SLC24A2: variants seen among roughly 807,000 people sequenced by gnomAD.
The protein encoded by SLC24A2 is solute carrier family 24 member 2.
In SLC24A2, 36 loss-of-function variants were observed where a neutral mutation model predicts 62.0. The observed-to-expected ratio is 0.58, with a 90% CI of 0.44 to 0.77. SLC24A2 has a LOEUF of 0.77. Among genes scored for constraint, SLC24A2 ranks in the 30% least tolerant of loss-of-function variants. The probability of loss-of-function intolerance (pLI) is 0.00; values close to 1 mark genes in which losing one functional copy is unlikely to be tolerated. For synonymous variants in SLC24A2, 358 were observed against 294.0 expected, an observed-to-expected ratio of 1.22 and a Z score of -2.23; for missense variants, 846 against 817.9, an observed-to-expected ratio of 1.03 and a Z score of -0.42.
chr9:19,798,408 T>C, the SLC24A2 span, among the ~76,000 whole-genome samples: 3 of 152,212 alleles, frequency 2.0e-5, no homozygotes, highest in Non-Finnish European at 4.4e-5. Flanking sequence ...ATAAGTTGCA[T>C]AATCCATCTG....
intron 5 of SLC24A2, among the ~76,000 whole-genome samples, chr9:19,586,529 GTTAA>G (rs1836375769): frequency 3.5e-5 from 3 of 86,956 alleles, no homozygotes; most frequent in Admixed American, 3.3e-4. Flanking sequence ...TAATGCTGTG[GTTAA>G]GTTAAGTTTC....
the SLC24A2 span, among the ~76,000 whole-genome samples, chr9:19,848,469 C>T: frequency 0.5 from 76,558 of 151,940 alleles, 20,507 homozygotes; most frequent in Non-Finnish European, 0.59. Flanking sequence ...ATAAATGACA[C>T]ATATAGCAGT....
intron 7 of SLC24A2, among the ~76,000 whole-genome samples, chr9:19,569,384 G>T (rs1338894774): frequency 1.3e-5 from 2 of 152,122 alleles, no homozygotes; most frequent in South Asian, 2.1e-4. Context: ...CATTCTAAGA[G>T]AATTGTCTTT....
At chr9:20,021,147 A>T in the SLC24A2 span, among the ~76,000 whole-genome samples, 2 of 152,206 alleles carry the variant, frequency 1.3e-5, no homozygotes, top group African/African-American at 4.8e-5. Flanking sequence ...CACATTAAGT[A>T]ACTGTTTTTG....
intron 2 of SLC24A2, among the ~76,000 whole-genome samples, chr9:19,653,199 C>G (rs1818849025): frequency 6.6e-6 from 1 of 152,218 alleles, no homozygotes; most frequent in South Asian, 2.1e-4. Flanking sequence ...ACAAAGTACA[C>G]AAGACTTGTC....
intron 9 of SLC24A2, among the ~76,000 whole-genome samples, chr9:19,526,164 G>A (rs185763338): frequency 6.6e-6 from 1 of 152,180 alleles, no homozygotes; most frequent in East Asian, 1.9e-4. Flanking sequence ...TTTCACTCAT[G>A]TTGTAGCATG....
chr9:20,190,136 C>T, the SLC24A2 span, among the ~76,000 whole-genome samples: 1 of 152,176 alleles, frequency 6.6e-6, no homozygotes, highest in African/African-American at 2.4e-5. Flanking sequence ...CTGCATGAAG[C>T]CTGGCAAAAG....
chr9:20,110,624 CT>C, the SLC24A2 span, among the ~76,000 whole-genome samples: 1 of 151,956 alleles, frequency 6.6e-6, no homozygotes, highest in Non-Finnish European at 1.5e-5. Context: ...AAAAGTGTGG[CT>C]AAAAAGTACC....
At chr9:20,220,201 A>G in the SLC24A2 span, among the ~76,000 whole-genome samples, 19 of 152,194 alleles carry the variant, frequency 1.2e-4, no homozygotes, top group African/African-American at 4.1e-4. Context: ...GTTTAGGTCA[A>G]TGACTGCAAC....
At chr9:19,881,953 G>A in the SLC24A2 span, among the ~76,000 whole-genome samples, 1 of 152,118 alleles carries the variant, frequency 6.6e-6, no homozygotes, top group Admixed American at 6.6e-5. Flanking sequence ...TTTCACAAAT[G>A]TCATTTTTAA....
At chr9:20,298,348 C>A in the SLC24A2 span, among the ~76,000 whole-genome samples, 1 of 152,196 alleles carries the variant, frequency 6.6e-6, no homozygotes, top group Non-Finnish European at 1.5e-5. Context: ...CCTGCCTTGG[C>A]CTCCCAAGTA....
At chr9:20,221,065 C>G in the SLC24A2 span, among the ~76,000 whole-genome samples, 2 of 152,004 alleles carry the variant, frequency 1.3e-5, no homozygotes, top group South Asian at 2.1e-4. Flanking sequence ...ATCCTTATCA[C>G]CAGAGCTTAT....
intron 2 of SLC24A2, among the ~76,000 whole-genome samples, chr9:19,744,847 G>A (rs1469181517): frequency 2.6e-5 from 4 of 152,146 alleles, no homozygotes; most frequent in African/African-American, 9.7e-5. Flanking sequence ...ATCTAAGCCT[G>A]TAACTATTGG....
chr9:19,754,084 A>G (rs748902259), intron 2 of SLC24A2, among the ~76,000 whole-genome samples: 2 of 152,238 alleles, frequency 1.3e-5, no homozygotes, highest in African/African-American at 4.8e-5. Context: ...AACAATTTAA[A>G]CTACACTATG....
chr9:19,830,684 G>T, the SLC24A2 span, among the ~76,000 whole-genome samples: 146 of 152,216 alleles, frequency 9.6e-4, no homozygotes, highest in South Asian at 2.7e-3. Flanking sequence ...AGATCATCTA[G>T]ACCCGGCAGA....
chr9:20,210,280 C>G, the SLC24A2 span, among the ~76,000 whole-genome samples: 1 of 152,204 alleles, frequency 6.6e-6, no homozygotes, highest in African/African-American at 2.4e-5. Flanking sequence ...ACAGCTTAAA[C>G]TAACATCACA....
At chr9:19,992,315 T>A in the SLC24A2 span, among the ~76,000 whole-genome samples, 1 of 152,218 alleles carries the variant, frequency 6.6e-6, no homozygotes, top group Non-Finnish European at 1.5e-5. Flanking sequence ...AGATCTTTGA[T>A]GACAGCATTT....
intron 8 of SLC24A2, among the ~76,000 whole-genome samples, chr9:19,541,814 G>C (rs374664726): frequency 6.7e-6 from 1 of 149,248 alleles, no homozygotes; most frequent in African/African-American, 2.4e-5. Flanking sequence ...CCTCGTTGCC[G>C]CCTTGCAGTT....
chr9:19,841,256 A>G, the SLC24A2 span, among the ~76,000 whole-genome samples: 318 of 152,324 alleles, frequency 2.1e-3, 1 homozygote, highest in African/African-American at 6.7e-3. Context: ...TTATATGTCA[A>G]TAAGTGTTAT....
Sources: allele counts gnomAD v4.1 joint callset (sites outside exome capture counted in the v4.1 genomes callset), GRCh38; gene constraint gnomAD v4.1.1; transcripts MANE v1.5; gene names NCBI Gene and HGNC (gene_info 2026-07-23, HGNC 2026-07-21).